The following OLFML1 variants were observed in gnomAD, a reference collection of about 807,000 sequenced individuals.
The protein encoded by OLFML1 is olfactomedin-like protein 1.
OLFML1 carries 33 observed loss-of-function variants against 37.3 expected under a neutral mutation model. The observed-to-expected ratio is 0.88, with a 90% CI of 0.67 to 1.18. The LOEUF is 1.18. OLFML1 is among the 50% of genes most tolerant of loss of function. The pLI is 0.00. For synonymous variants in OLFML1, 186 were observed against 181.3 expected, an observed-to-expected ratio of 1.03 and a Z score of -0.21; for missense variants, 545 against 483.7, an observed-to-expected ratio of 1.13 and a Z score of -1.19.
chr11:7,500,194 T>C (rs1848704116), intron 2 of OLFML1, among the ~76,000 whole-genome samples: 1 of 152,174 alleles, frequency 6.6e-6, no homozygotes, highest in Admixed American at 6.5e-5. Flanking sequence ...TGCCCAGCCA[T>C]TTCTGCTGTA....
intron 2 of OLFML1, among the ~76,000 whole-genome samples, chr11:7,504,324 G>C (rs1019420844): frequency 2.0e-5 from 3 of 152,148 alleles, no homozygotes; most frequent in African/African-American, 7.2e-5. Context: ...AGAAGTTGTA[G>C]GGGACAAGGA....
At position 7,509,958 on chromosome 11, in the gene OLFML1, C is replaced by T; in HGVS notation, c.979C>T (p.Leu327Phe). The T allele has an allele frequency of 1.2e-6, 2 of 1,614,238 alleles. No individual in the cohort carries two copies. Among genetic ancestry groups the T allele is most frequent in the Non-Finnish European group, 1.7e-6 (2 of 1,180,038 alleles). ...AEASFLLCGVLYVVYSTGGQG... is the reference protein window; with the variant it reads ...AEASFLLCGVFYVVYSTGGQG... ...AGCCTCATTCCTCTTGTGTGGGGTT[C>T]TCTATGTGGTCTACAGTACTGGGGG... Residue 327 changes from leucine (L) to phenylalanine (F), a missense_variant, in exon 3 of 3, where the codon CTC becomes TTC. By Grantham distance (22) the Leu-to-Phe change is conservative (BLOSUM62 0). Coordinates refer to ENST00000329293, the MANE Select transcript of OLFML1 (RefSeq NM_198474.4).
chr11:7,488,383 A>G lies in OLFML1; in HGVS notation c.386A>G (p.Glu129Gly). ...GAAATGTTGCTCCAAGAAGCTGAAG[A>G]AGAGAAAAAGATCCGGACTCTGCTG... ...LAEMLLQEAE[E>G]EKKIRTLLNA... is the part of the protein sequence containing the mutation. Residue 129 changes from glutamate to glycine, a missense_variant, in exon 2 of 3, where the codon GAA (glutamate) becomes GGA (glycine). By Grantham distance (98) the Glu-to-Gly change is moderately conservative (BLOSUM62 -2). Transcript: ENST00000329293. The G allele has an allele frequency of 6.2e-7, 1 of 1,613,992 alleles. No individual in the cohort carries two copies. Among genetic ancestry groups the G allele is most frequent in the Admixed American group, 1.7e-5 (1 of 60,000 alleles).
rs149329125 is a variant in OLFML1 at position 7,508,784 on chromosome 11, A to G, written c.419-614A>G. 3.4e-3 allele frequency among the ~76,000 whole-genome samples: 518 copies of G among 152,314 alleles called. 1 individual carries two copies. Among genetic ancestry groups the G allele is most frequent in the Admixed American group, 4.8e-3 (73 of 15,302 alleles). On this transcript the variant is annotated intron_variant, in intron 2 of 2. Coordinates refer to ENST00000329293, the MANE Select transcript of OLFML1 (RefSeq NM_198474.4). Reference sequence around the variant, plus strand: ...TCTCGAGGTTTAGGGTTGATATTATATTTTTTATCCTCAATACTTAGCACC... The same window carrying G: ...TCTCGAGGTTTAGGGTTGATATTATGTTTTTTATCCTCAATACTTAGCACC...
chr11:7,499,039 C>A (rs1211077622), intron 2 of OLFML1, among the ~76,000 whole-genome samples: 4 of 152,148 alleles, frequency 2.6e-5, no homozygotes, highest in Non-Finnish European at 4.4e-5. Flanking sequence ...TTGAGTGACT[C>A]CCATACAAAG....
chr11:7,489,165 T>C (rs1207633536), intron 2 of OLFML1, among the ~76,000 whole-genome samples: 1 of 152,150 alleles, frequency 6.6e-6, no homozygotes, highest in Non-Finnish European at 1.5e-5. Context: ...TTCAAGAACC[T>C]CCATCAGGGA....
At chr11:7,493,196 C>T (rs1848620347) in intron 2 of OLFML1, among the ~76,000 whole-genome samples, 3 of 152,116 alleles carry the variant, frequency 2.0e-5, no homozygotes, top group South Asian at 4.1e-4. Flanking sequence ...TTCACCCTGC[C>T]GAATTAAATA....
intron 2 of OLFML1, among the ~76,000 whole-genome samples, chr11:7,493,845 CTAGAAAT>C (rs1386553319): frequency 6.6e-6 from 1 of 152,186 alleles, no homozygotes; most frequent in African/African-American, 2.4e-5. Context: ...CAACTGAATT[CTAGAAAT>C]ATGTTGGCAT....
rs1237659225 is a variant in OLFML1 at position 7,509,955 on chromosome 11, G to A, written c.976G>A (p.Val326Ile). 1 of 1,614,238 alleles carries A rather than the reference G, an allele frequency of 6.2e-7. No individual in the cohort carries two copies. The highest frequency in any genetic ancestry group is 1.7e-5 in the Admixed American group (1 of 60,032). ...TGAAGCCTCATTCCTCTTGTGTGGG[G>A]TTCTCTATGTGGTCTACAGTACTGG... Reference protein sequence around the residue: ...DAEASFLLCGVLYVVYSTGGQ... With the variant: ...DAEASFLLCGILYVVYSTGGQ... The change falls in exon 3 of 3, where the codon GTT becomes ATT. Residue 326 changes from valine to isoleucine, a missense_variant. Physicochemically the swap from Val to Ile is conservative, Grantham distance 29. Transcript: ENST00000329293.
intron 2 of OLFML1, among the ~76,000 whole-genome samples, chr11:7,499,419 G>A (rs1848696093): frequency 6.6e-6 from 1 of 152,228 alleles, no homozygotes; most frequent in South Asian, 2.1e-4. Context: ...ACAGCAGGGA[G>A]TTTTAACTTA....
At position 7,509,654 on chromosome 11, in the gene OLFML1, A is replaced by AT. The variant is rs749559488; in HGVS notation, c.681dup (p.His228SerfsTer2). 1 of 1,614,188 alleles carries AT rather than the reference A, an allele frequency of 6.2e-7. No individual in the cohort carries two copies. The highest frequency in any genetic ancestry group is 8.5e-7 in the Non-Finnish European group (1 of 1,180,030). On this transcript the variant is annotated frameshift_variant, in exon 3 of 3. Transcript: ENST00000329293. LOFTEE classifies it high-confidence loss of function. ...GCCAAGTGATCTACAAAGGTTTTCTATTTTTTCATAACCAAGCAACTTCTA... is the reference window on the plus strand; with the variant it reads ...GCCAAGTGATCTACAAAGGTTTTCTATTTTTTTCATAACCAAGCAACTTCTA...
intron 2 of OLFML1, among the ~76,000 whole-genome samples, chr11:7,506,173 G>A (rs1230342217): frequency 6.6e-6 from 1 of 152,188 alleles, no homozygotes; most frequent in African/African-American, 2.4e-5. Context: ...CTAGTTGAAG[G>A]TGAATTGTTG....
chr11:7,501,585 C>T (rs977671248), intron 2 of OLFML1, among the ~76,000 whole-genome samples: 3 of 152,206 alleles, frequency 2.0e-5, no homozygotes, highest in Non-Finnish European at 2.9e-5. Flanking sequence ...GTCATGACCA[C>T]TGAAAGGACT....
At chr11:7,497,663 T>C (rs1294405480) in intron 2 of OLFML1, among the ~76,000 whole-genome samples, 6 of 152,176 alleles carry the variant, frequency 3.9e-5, no homozygotes. Flanking sequence ...ATGTGTCAAG[T>C]CTGTTTCTTT....
intron 2 of OLFML1, among the ~76,000 whole-genome samples, chr11:7,507,864 T>C (rs890314195): frequency 2.0e-5 from 3 of 152,180 alleles, no homozygotes; most frequent in African/African-American, 7.2e-5. Context: ...AACTTTTAAC[T>C]CCTCCAAAAC....
chr11:7,509,749 G>T lies in OLFML1; in HGVS notation c.770G>T (p.Gly257Val), dbSNP rs780475532. The T allele has an allele frequency of 1.9e-6, 3 of 1,614,234 alleles. No homozygotes were observed. Among genetic ancestry groups the T allele is most frequent in the Non-Finnish European group, 2.5e-6 (3 of 1,180,034 alleles). The change falls in exon 3 of 3, where the codon GGC becomes GTC. Residue 257 changes from glycine (G) to valine (V), a missense_variant. Transcript: ENST00000329293. Reference sequence around the variant, plus strand: ...CGAATGCTGCTCCCAGGAGGGGTAGGCCGAGCATTGGTTTACCAGCACTCC... The same window carrying T: ...CGAATGCTGCTCCCAGGAGGGGTAGTCCGAGCATTGGTTTACCAGCACTCC... ...EDRMLLPGGV[G>V]RALVYQHSPS...
At chr11:7,509,124 T>C (rs1375283265) in intron 2 of OLFML1, among the ~76,000 whole-genome samples, 1 of 152,112 alleles carries the variant, frequency 6.6e-6, no homozygotes, top group African/African-American at 2.4e-5. Flanking sequence ...TCTGTGAAAA[T>C]AAGGAGGTGA....
intron 2 of OLFML1, among the ~76,000 whole-genome samples, chr11:7,490,034 CAATA>C (rs1197422020): frequency 6.8e-6 from 1 of 147,480 alleles, no homozygotes; most frequent in Non-Finnish European, 1.5e-5. Context: ...GGGGTCTATT[CAATA>C]AATAGTTTTC....
intron 2 of OLFML1, among the ~76,000 whole-genome samples, chr11:7,493,971 C>A (rs1300554813): frequency 6.6e-6 from 1 of 152,122 alleles, no homozygotes. Context: ...GATGATGGCT[C>A]TGATGGAGGG....
Sources: allele counts gnomAD v4.1 joint callset (sites outside exome capture counted in the v4.1 genomes callset), GRCh38; gene constraint gnomAD v4.1.1; transcripts MANE v1.5; gene names NCBI Gene and HGNC (gene_info 2026-07-23, HGNC 2026-07-21).